The following FOXN3 variants were observed in gnomAD, a reference collection of about 807,000 sequenced individuals.
FOXN3 encodes forkhead box N3.
In FOXN3, 7 loss-of-function variants were observed where a neutral mutation model predicts 38.4. That is an observed-to-expected ratio of 0.18 (90% CI 0.10 to 0.34). The LOEUF is 0.34. FOXN3 is among the 10% of genes least tolerant of loss of function. FOXN3 has a pLI of 1.00. For missense variants in FOXN3, 456 were observed against 613.4 expected, an observed-to-expected ratio of 0.74 and a Z score of 2.71; for synonymous variants, 230 against 242.2, an observed-to-expected ratio of 0.95 and a Z score of 0.47.
chr14:89,459,925 G>A (rs1175439447), intron 1 of FOXN3, among the ~76,000 whole-genome samples: 1 of 152,112 alleles, frequency 6.6e-6, no homozygotes, highest in East Asian at 1.9e-4. Context: ...GCTTACCAAG[G>A]TCAGCCCTAC....
chr14:89,524,348 C>A (rs1324457089), intron 1 of FOXN3, among the ~76,000 whole-genome samples: 1 of 107,126 alleles, frequency 9.3e-6, no homozygotes, highest in African/African-American at 3.5e-5. Context: ...GCACTCCAGC[C>A]TGGCGACAGC....
intron 1 of FOXN3, among the ~76,000 whole-genome samples, chr14:89,432,259 G>A (rs1054598876): frequency 6.6e-6 from 1 of 152,112 alleles, no homozygotes; most frequent in African/African-American, 2.4e-5. Flanking sequence ...CCATTTATGG[G>A]TGGGAGACCT....
At chr14:89,502,768 T>C (rs1361230195) in intron 1 of FOXN3, among the ~76,000 whole-genome samples, 1 of 152,158 alleles carries the variant, frequency 6.6e-6, no homozygotes, top group Non-Finnish European at 1.5e-5. Flanking sequence ...TCCCAAGGAC[T>C]GTGAAGCTCT....
chr14:89,546,915 C>A (rs1177800905), intron 1 of FOXN3, among the ~76,000 whole-genome samples: 1 of 151,810 alleles, frequency 6.6e-6, no homozygotes, highest in Admixed American at 6.6e-5. Context: ...TCCCAGATAG[C>A]TGGAATTACA....
At chr14:89,360,476 A>T (rs914945731) in intron 2 of FOXN3, among the ~76,000 whole-genome samples, 1 of 147,588 alleles carries the variant, frequency 6.8e-6, no homozygotes, top group Admixed American at 6.8e-5. Context: ...GGAAGGAGAA[A>T]GAGGGGAAGG....
chr14:89,230,587 T>C (rs1265666925), intron 4 of FOXN3: 1 of 233,388 alleles, frequency 4.3e-6, no homozygotes, highest in Admixed American at 4.7e-5. Flanking sequence ...CTAGCTACTA[T>C]TATTATTTTG....
chr14:89,356,814 T>A (rs1020102855), intron 2 of FOXN3, among the ~76,000 whole-genome samples: 3 of 151,822 alleles, frequency 2.0e-5, no homozygotes, highest in African/African-American at 7.3e-5. Flanking sequence ...GGATTATAGA[T>A]GGGAAAAAAC....
intron 1 of FOXN3, among the ~76,000 whole-genome samples, chr14:89,415,824 G>C (rs988466945): frequency 1.8e-4 from 20 of 110,660 alleles, no homozygotes; most frequent in Admixed American, 5.4e-4. Flanking sequence ...TTATTCACTG[G>C]TGACCTCCTT....
At chr14:89,170,558 G>A (rs1887363718) in intron 5 of FOXN3, among the ~76,000 whole-genome samples, 2 of 152,112 alleles carry the variant, frequency 1.3e-5, no homozygotes, top group South Asian at 4.1e-4. Flanking sequence ...TTATAGTTGT[G>A]AGCCACCACG....
At chr14:89,237,188 T>C (rs1885006190) in intron 4 of FOXN3, among the ~76,000 whole-genome samples, 1 of 152,102 alleles carries the variant, frequency 6.6e-6, no homozygotes, top group Non-Finnish European at 1.5e-5. Flanking sequence ...TAAATAGACA[T>C]TTTGCAGAAG....
intron 1 of FOXN3, among the ~76,000 whole-genome samples, chr14:89,580,592 C>G (rs1398580419): frequency 1.3e-5 from 2 of 152,184 alleles, no homozygotes; most frequent in African/African-American, 4.8e-5. Context: ...CAACCTCCAT[C>G]TGTGTAATTC....
intron 1 of FOXN3, among the ~76,000 whole-genome samples, chr14:89,601,540 A>T (rs1471859570): frequency 6.6e-6 from 1 of 152,202 alleles, no homozygotes; most frequent in Non-Finnish European, 1.5e-5. Flanking sequence ...AAAACACTGA[A>T]CCTAGCAACA....
At chr14:89,336,666 T>A (rs1888470991) in intron 3 of FOXN3, among the ~76,000 whole-genome samples, 1 of 152,140 alleles carries the variant, frequency 6.6e-6, no homozygotes, top group African/African-American at 2.4e-5. Context: ...AGGTGCCCAA[T>A]AAATGCTTGG....
At chr14:89,175,708 C>G in intron 5 of FOXN3, among the ~76,000 whole-genome samples, 1 of 152,178 alleles carries the variant, frequency 6.6e-6, no homozygotes, top group East Asian at 1.9e-4. Context: ...TTTGTTGGTT[C>G]AGTTGCTACA....
At chr14:89,515,088 T>C (rs1001347099) in intron 1 of FOXN3, among the ~76,000 whole-genome samples, 1 of 151,826 alleles carries the variant, frequency 6.6e-6, no homozygotes, top group African/African-American at 2.4e-5. Flanking sequence ...TCCAGCTACT[T>C]TTTTTTGTAT....
At chr14:89,319,351 A>G (rs1237589852) in intron 3 of FOXN3, among the ~76,000 whole-genome samples, 1 of 152,090 alleles carries the variant, frequency 6.6e-6, no homozygotes, top group Non-Finnish European at 1.5e-5. Flanking sequence ...AGTCCAGAGG[A>G]ACCCAGATGC....
At chr14:89,578,042 AC>A (rs1309039487) in intron 1 of FOXN3, among the ~76,000 whole-genome samples, 2 of 152,206 alleles carry the variant, frequency 1.3e-5, no homozygotes, top group African/African-American at 4.8e-5. Flanking sequence ...GAGGTGACCA[AC>A]CCACAGCTCT....
intron 1 of FOXN3, among the ~76,000 whole-genome samples, chr14:89,470,471 A>G (rs1893070979): frequency 6.6e-6 from 1 of 152,212 alleles, no homozygotes; most frequent in Non-Finnish European, 1.5e-5. Flanking sequence ...CTCATCTATG[A>G]AAGAGGATCA....
At chr14:89,404,678 A>T (rs186887131) in intron 2 of FOXN3, among the ~76,000 whole-genome samples, 1 of 152,146 alleles carries the variant, frequency 6.6e-6, no homozygotes, top group Non-Finnish European at 1.5e-5. Context: ...CTGAGGTGAC[A>T]TAGCCTATAG....
Sources: allele counts gnomAD v4.1 joint callset (sites outside exome capture counted in the v4.1 genomes callset), GRCh38; gene constraint gnomAD v4.1.1; transcripts MANE v1.5; gene names NCBI Gene and HGNC (gene_info 2026-07-23, HGNC 2026-07-21).